The following TRAF3 variants were observed in gnomAD, a reference collection of about 807,000 sequenced individuals.
TRAF3 encodes the protein TNF receptor-associated factor 3.
In TRAF3, 13 loss-of-function variants were observed where a neutral mutation model predicts 62.3. That is an observed-to-expected ratio of 0.21 (90% CI 0.14 to 0.33). The LOEUF is 0.33. TRAF3 is among the 10% of genes least tolerant of loss of function. TRAF3 has a pLI of 1.00. For synonymous variants in TRAF3, 269 were observed against 283.4 expected, an observed-to-expected ratio of 0.95 and a Z score of 0.51; for missense variants, 440 against 741.8, an observed-to-expected ratio of 0.59 and a Z score of 4.73.
rs3742448 is a variant in TRAF3 at position 102,905,391 on chromosome 14, G to C, written c.1314G>C (p.Leu438=). 2.4e-4 allele frequency: 394 copies of C among 1,614,238 alleles called. 4 individuals carry two copies. In the East Asian group the frequency reaches 8.5e-3, roughly 35 times the overall value. Residue 438 remains leucine, a synonymous_variant, in exon 12 of 12, where the codon CTG becomes CTC. Transcript: ENST00000392745. ...AGGAGGCCGTCATGGGGAAGACCCT[G>C]TCCCTTTACAGCCAGCCTTTCTACA... ...RKQEAVMGKT[L]SLYSQPFYTG... is the part of the protein sequence containing the mutation.
Position 102,905,946 on chromosome 14 carries a change from C to T in TRAF3, c.*162C>T, listed in dbSNP as rs902999822. On this transcript the variant is annotated 3_prime_UTR_variant, in exon 12 of 12. Coordinates refer to ENST00000392745, the MANE Select transcript of TRAF3 (RefSeq NM_145725.3). ...GCGGGAGGAGCCACGCGTGAGCACA[C>T]CTGACACGTTTTATAATAGACTAGC... The T allele has an allele frequency of 1.6e-6, 1 of 606,938 alleles. No individual in the cohort carries two copies. The highest frequency in any genetic ancestry group is 2.9e-6 in the Non-Finnish European group (1 of 343,226). The allele number at this position is 606,938 out of a possible 1,614,324, so 37.6% of individuals were successfully genotyped here.
At chr14:102,806,642 T>C (rs1898790260) in intron 1 of TRAF3, among the ~76,000 whole-genome samples, 1 of 152,094 alleles carries the variant, frequency 6.6e-6, no homozygotes, top group Admixed American at 6.5e-5. Flanking sequence ...GGAAATGATA[T>C]GGGCAGCTCC....
At chr14:102,869,195 A>G (rs1888185747) in intron 2 of TRAF3, among the ~76,000 whole-genome samples, 1 of 152,202 alleles carries the variant, frequency 6.6e-6, no homozygotes. Context: ...CTCTGTGCAC[A>G]GCATGCTGGG....
At chr14:102,894,068 T>C (rs1889871848) in intron 9 of TRAF3, among the ~76,000 whole-genome samples, 1 of 152,188 alleles carries the variant, frequency 6.6e-6, no homozygotes, top group South Asian at 2.1e-4. Context: ...GGCTCATGCC[T>C]GTAATCCTAG....
intron 2 of TRAF3, among the ~76,000 whole-genome samples, chr14:102,834,269 A>C (rs1885838100): frequency 6.6e-6 from 1 of 152,148 alleles, no homozygotes; most frequent in East Asian, 1.9e-4. Flanking sequence ...GGAACAAAAG[A>C]GAGAGCCCAG....
In TRAF3 at chr14:102,905,535, T is replaced by G; in HGVS notation, c.1458T>G (p.Leu486=). ...VIMRGEYDAL[L]PWPFKQKVTL... ...TGCGTGGAGAATATGATGCCCTGCT[T>G]CCTTGGCCGTTTAAGCAGAAAGTGA... The change falls in exon 12 of 12, where the codon CTT becomes CTG. Residue 486 remains leucine, a synonymous_variant. Coordinates refer to ENST00000392745, the MANE Select transcript of TRAF3 (RefSeq NM_145725.3). 6.2e-7 allele frequency: 1 copy of G among 1,614,144 alleles called. No individual in the cohort carries two copies. Among genetic ancestry groups the G allele is most frequent in the Non-Finnish European group, 8.5e-7 (1 of 1,180,024 alleles).
chr14:102,830,517 T>C (rs779341100), intron 2 of TRAF3, 45 bp downstream of exon 2: 1 of 152,166 alleles, frequency 6.6e-6, no homozygotes, highest in African/African-American at 2.4e-5. Context: ...TGCTTTCCTT[T>C]TGTCAGAAAG....
chr14:102,780,693 T>C (rs902312755), intron 1 of TRAF3, among the ~76,000 whole-genome samples: 1 of 152,170 alleles, frequency 6.6e-6, no homozygotes, highest in Non-Finnish European at 1.5e-5. Context: ...GGATTGTTAA[T>C]TGGGACTTGG....
chr14:102,789,478 T>G lies in TRAF3; in HGVS notation c.-157+11803T>G, dbSNP rs571984723. ...TTTGCTAAATTTATTTTTTTTGTTT[T>G]GTTTCTTTTTCATGTCATATGGGTA... On this transcript the variant is annotated intron_variant, in intron 1 of 11. Transcript: ENST00000392745. Among the ~76,000 whole-genome samples, 11 of 152,298 alleles carry G rather than the reference T, an allele frequency of 7.2e-5. No individual in the cohort carries two copies. The South Asian group carries it at 2.1e-3, about 29-fold the overall frequency.
intron 4 of TRAF3, among the ~76,000 whole-genome samples, chr14:102,872,826 G>C (rs544161190): frequency 6.6e-6 from 1 of 151,878 alleles, no homozygotes; most frequent in Non-Finnish European, 1.5e-5. Flanking sequence ...CGAGTAGCTG[G>C]GATTACAGGC....
Position 102,813,473 on chromosome 14 carries a change from C to T in TRAF3, c.-156-16861C>T, listed in dbSNP as rs575536610. ...CTTTTCTTTTCTTTTTTTTTTGAGA[C>T]GGAGTCTCACTCTGTCACCCAGGCT... On this transcript the variant is annotated intron_variant, in intron 1 of 11. Transcript: ENST00000392745. Among the ~76,000 whole-genome samples the T allele has an allele frequency of 1.6e-3, 241 of 146,202 alleles. 3 individuals carry two copies. The highest frequency in any genetic ancestry group is 7.6e-4 in the Non-Finnish European group (50 of 66,186).
At chr14:102,840,323 T>C (rs1886302659) in intron 2 of TRAF3, among the ~76,000 whole-genome samples, 1 of 152,096 alleles carries the variant, frequency 6.6e-6, no homozygotes, top group African/African-American at 2.4e-5. Flanking sequence ...TACAGATGGG[T>C]GGGCTCAAGT....
intron 2 of TRAF3, among the ~76,000 whole-genome samples, chr14:102,841,645 T>C (rs1048329679): frequency 1.3e-5 from 2 of 152,182 alleles, no homozygotes; most frequent in African/African-American, 4.8e-5. Context: ...GCCCCGACTA[T>C]ATTTAAAAAG....
At chr14:102,886,122 G>T in intron 6 of TRAF3, 67 bp from the exon 7 acceptor site, 1 of 1,549,534 alleles carries the variant, frequency 6.5e-7, no homozygotes, top group Non-Finnish European at 8.9e-7. Flanking sequence ...GCCCCATGGG[G>T]ATCTCAGCGG....
chr14:102,811,914 T>TTTTTC (rs1899200084), intron 1 of TRAF3, among the ~76,000 whole-genome samples: 2 of 32,486 alleles, frequency 6.2e-5, no homozygotes, highest in South Asian at 1.3e-3. Context: ...TGCCTGGCCC[T>TTTTTC]TTTTTTTTTT....
rs552791424 is a variant in TRAF3, at chr14:102,877,645, C to T, written c.570+1120C>T. Among the ~76,000 whole-genome samples the T allele has an allele frequency of 9.6e-5, 14 of 146,572 alleles. No individual in the cohort carries two copies. In the East Asian group the frequency reaches 1.5e-3, roughly 15 times the overall value. On this transcript the variant is annotated intron_variant, in intron 6 of 11. Coordinates refer to ENST00000392745, the MANE Select transcript of TRAF3 (RefSeq NM_145725.3). ...CCTTCCGCTCAGCTCATAGATAATC[C>T]GTTCCACAGGCCTTCCGCTCAGCTC... is the stretch of plus-strand genomic sequence containing the variant.
At chr14:102,806,391 G>T (rs1898775293) in intron 1 of TRAF3, among the ~76,000 whole-genome samples, 2 of 152,106 alleles carry the variant, frequency 1.3e-5, no homozygotes, top group Admixed American at 6.6e-5. Flanking sequence ...AGCCAGTCTG[G>T]ATAAACCCTT....
intron 7 of TRAF3, among the ~76,000 whole-genome samples, chr14:102,887,616 A>G (rs909290364): frequency 6.6e-6 from 1 of 150,984 alleles, no homozygotes; most frequent in African/African-American, 2.4e-5. Context: ...TTTTTTTGAG[A>G]CGGAGTCTCG....
intron 9 of TRAF3, 70 bp from the exon 10 acceptor site, chr14:102,897,191 T>C: frequency 6.9e-7 from 1 of 1,439,416 alleles, no homozygotes; most frequent in Non-Finnish European, 9.6e-7. Context: ...TGTGAAAATT[T>C]AATTGATATT....
Sources: allele counts gnomAD v4.1 joint callset (sites outside exome capture counted in the v4.1 genomes callset), GRCh38; gene constraint gnomAD v4.1.1; transcripts MANE v1.5; gene names NCBI Gene and HGNC (gene_info 2026-07-23, HGNC 2026-07-21).